PRKAR2B: variants seen among roughly 807,000 people sequenced by gnomAD.
PRKAR2B encodes protein kinase cAMP-dependent type II regulatory subunit beta.
PRKAR2B carries 14 observed loss-of-function variants against 49.9 expected under a neutral mutation model. The observed-to-expected ratio is 0.28, with a 90% CI of 0.19 to 0.44. The LOEUF (loss-of-function observed/expected upper bound fraction) is 0.44, where lower values mean the gene tolerates loss of function less well. Among genes scored for constraint, PRKAR2B ranks in the 20% least tolerant of loss-of-function variants. The pLI is 1.00. For synonymous variants in PRKAR2B, 196 were observed against 197.7 expected, an observed-to-expected ratio of 0.99 and a Z score of 0.07; for missense variants, 393 against 537.9, an observed-to-expected ratio of 0.73 and a Z score of 2.67.
chr7:107,157,666 A>G (rs1291052677), intron 10 of PRKAR2B, among the ~76,000 whole-genome samples: 1 of 152,238 alleles, frequency 6.6e-6, no homozygotes, highest in Non-Finnish European at 1.5e-5. Flanking sequence ...TACTATTTTT[A>G]TAAAGTCCGT....
chr7:107,073,933 G>C (rs546284398), intron 2 of PRKAR2B, among the ~76,000 whole-genome samples: 12 of 151,946 alleles, frequency 7.9e-5, no homozygotes, highest in Admixed American at 6.5e-4. Context: ...ATGGTGGCGC[G>C]TGCCTATAGT....
chr7:107,158,574 T>G (rs1452124853), intron 10 of PRKAR2B, among the ~76,000 whole-genome samples: 1 of 152,194 alleles, frequency 6.6e-6, no homozygotes, highest in East Asian at 1.9e-4. Context: ...GGTAAATACT[T>G]CGAAGGTTTT....
intron 2 of PRKAR2B, among the ~76,000 whole-genome samples, chr7:107,099,662 G>A (rs575611180): frequency 4.6e-4 from 68 of 147,944 alleles, no homozygotes; most frequent in African/African-American, 1.5e-3. Context: ...TTTTTGAGAC[G>A]GAGTCTCACT....
In PRKAR2B at chr7:107,067,879, T is replaced by A. The variant is rs147941294; in HGVS notation, c.308-2402T>A. Among the ~76,000 whole-genome samples, 78 of 152,314 alleles carry A rather than the reference T, an allele frequency of 5.1e-4. 1 individual carries two copies. Among genetic ancestry groups the A allele is most frequent in the South Asian group, 3.7e-3 (18 of 4,824 alleles). ...TGTATATTAAAACTGCATAAATGAATCAAGTGTATATAAAGAGCTGTATTA... is the reference window on the plus strand; with the variant it reads ...TGTATATTAAAACTGCATAAATGAAACAAGTGTATATAAAGAGCTGTATTA... On this transcript the variant is annotated intron_variant, in intron 1 of 10. Transcript: ENST00000265717.
chr7:107,102,159 A>T (rs1478011330), intron 2 of PRKAR2B, among the ~76,000 whole-genome samples: 1 of 152,154 alleles, frequency 6.6e-6, no homozygotes, highest in African/African-American at 2.4e-5. Flanking sequence ...GTGAGCTGAG[A>T]TTGCACCACT....
At chr7:107,115,806 G>T (rs948713305) in intron 2 of PRKAR2B, among the ~76,000 whole-genome samples, 5 of 152,200 alleles carry the variant, frequency 3.3e-5, no homozygotes, top group Non-Finnish European at 5.9e-5. Context: ...TCCCCATCTT[G>T]CTGAAGTTAG....
intron 2 of PRKAR2B, among the ~76,000 whole-genome samples, chr7:107,108,286 A>G (rs924817866): frequency 6.6e-6 from 1 of 152,242 alleles, no homozygotes; most frequent in African/African-American, 2.4e-5. Context: ...AAAACAGACT[A>G]GGAAAGTGTC....
rs1795899133 is a variant in PRKAR2B, at chr7:107,146,577, T to C, written c.741+116T>C. ...AAAGATCATCAGTCATCAGGTAATT[T>C]ATTAAGCAGCCACTGAATGCTGAAC... On this transcript the variant is annotated intron_variant, in intron 6 of 10. Transcript: ENST00000265717. 3.4e-6 allele frequency: 4 copies of C among 1,185,902 alleles called. No individual in the cohort carries two copies. The South Asian group carries it at 4.7e-5, about 14-fold the overall frequency. 73.5% of individuals were successfully genotyped at this position (1,185,902 alleles called of 1,614,324 possible).
At chr7:107,077,781 A>T (rs1355025019) in intron 2 of PRKAR2B, 1 of 152,224 alleles carries the variant, frequency 6.6e-6, no homozygotes, top group Admixed American at 6.5e-5. Context: ...CTACGTATTA[A>T]AAGTGTCTCT....
chr7:107,046,995 A>C (rs1793711440), intron 1 of PRKAR2B, among the ~76,000 whole-genome samples: 1 of 152,228 alleles, frequency 6.6e-6, no homozygotes, highest in Non-Finnish European at 1.5e-5. Context: ...GTGAAGAAAT[A>C]AGCCGTTAAC....
chr7:107,103,922 T>C (rs148307052), intron 2 of PRKAR2B, among the ~76,000 whole-genome samples: 1 of 152,362 alleles, frequency 6.6e-6, no homozygotes, highest in East Asian at 1.9e-4. Flanking sequence ...TAAAGGCTCC[T>C]GATTATTCCC....
intron 1 of PRKAR2B, among the ~76,000 whole-genome samples, chr7:107,048,809 T>C (rs76270442): frequency 0.068 from 10,408 of 152,318 alleles, 528 homozygotes; most frequent in South Asian, 0.19. Flanking sequence ...TCCAGTCTTA[T>C]AAATTCTAAT....
intron 2 of PRKAR2B, among the ~76,000 whole-genome samples, chr7:107,085,557 T>G (rs1371373157): frequency 6.6e-6 from 1 of 152,330 alleles, no homozygotes; most frequent in Admixed American, 6.5e-5. Context: ...GGGTTGTGTC[T>G]CTACAGTGTT....
chr7:107,133,235 C>T (rs1181173048), intron 4 of PRKAR2B, among the ~76,000 whole-genome samples: 2 of 152,146 alleles, frequency 1.3e-5, no homozygotes, highest in Admixed American at 6.5e-5. Context: ...AGAACAGACA[C>T]CTGTCTGTAT....
intron 1 of PRKAR2B, among the ~76,000 whole-genome samples, chr7:107,048,118 G>A (rs1027967361): frequency 9.9e-5 from 15 of 152,162 alleles, no homozygotes; most frequent in African/African-American, 2.4e-5. Flanking sequence ...GGTGGACCTG[G>A]CTTCATCCCT....
chr7:107,060,882 G>C (rs1282943376), intron 1 of PRKAR2B, among the ~76,000 whole-genome samples: 3 of 151,956 alleles, frequency 2.0e-5, no homozygotes, highest in East Asian at 3.8e-4. Flanking sequence ...GCAAAAATTT[G>C]TAAGTCTTGA....
chr7:107,104,918 T>C (rs1036742881), intron 2 of PRKAR2B, among the ~76,000 whole-genome samples: 20 of 152,212 alleles, frequency 1.3e-4, no homozygotes, highest in African/African-American at 4.6e-4. Context: ...GTATAAGGAC[T>C]GGGAGTACTG....
At chr7:107,136,525 G>T (rs1229447112) in intron 4 of PRKAR2B, among the ~76,000 whole-genome samples, 2 of 152,062 alleles carry the variant, frequency 1.3e-5, no homozygotes, top group Non-Finnish European at 1.5e-5. Context: ...CACTGAAGAA[G>T]ATATACAAAT....
chr7:107,054,021 G>T lies in PRKAR2B; in HGVS notation c.307+8807G>T, dbSNP rs184756875. Reference sequence around the variant, plus strand: ...AAGTGTAAAAATACATGAAAGAAAGGCAATTCTTTTGTAAATATGCATTAA... The same window carrying T: ...AAGTGTAAAAATACATGAAAGAAAGTCAATTCTTTTGTAAATATGCATTAA... On this transcript the variant is annotated intron_variant, in intron 1 of 10. Coordinates refer to ENST00000265717, the MANE Select transcript of PRKAR2B (RefSeq NM_002736.3). Among the ~76,000 whole-genome samples, 180 of 152,228 alleles carry T rather than the reference G, an allele frequency of 1.2e-3. 1 individual carries two copies. Among genetic ancestry groups the T allele is most frequent in the African/African-American group, 4.1e-3 (172 of 41,540 alleles).
Sources: allele counts gnomAD v4.1 joint callset (sites outside exome capture counted in the v4.1 genomes callset), GRCh38; gene constraint gnomAD v4.1.1; transcripts MANE v1.5; gene names NCBI Gene and HGNC (gene_info 2026-07-23, HGNC 2026-07-21).